Variants in SYNE2 observed in about 807,000 individuals in gnomAD.
The protein encoded by SYNE2 is nesprin-2.
In SYNE2, 431 loss-of-function variants were observed where a neutral mutation model predicts 856.3. That is an observed-to-expected ratio of 0.50 (90% CI 0.47 to 0.55). SYNE2 has a LOEUF of 0.55. SYNE2 is among the 20% of genes least tolerant of loss of function. SYNE2 has a pLI of 0.00. For missense variants in SYNE2, 8,129 were observed against 8,023.2 expected, an observed-to-expected ratio of 1.01 and a Z score of -0.50; for synonymous variants, 2,923 against 2,872.3, an observed-to-expected ratio of 1.02 and a Z score of -0.56.
chr14:63,896,636 A>G (rs1285902035), intron 1 of SYNE2, among the ~76,000 whole-genome samples: 1 of 152,212 alleles, frequency 6.6e-6, no homozygotes, highest in Non-Finnish European at 1.5e-5. Flanking sequence ...ACCTTGGAGA[A>G]GCTGATGATT....
chr14:64,126,944 T>C lies in SYNE2; in HGVS notation c.13917+137T>C. On this transcript the variant is annotated intron_variant, in intron 73 of 115. Coordinates refer to ENST00000555002, the MANE Select transcript of SYNE2 (RefSeq NM_182914.3). Reference sequence around the variant, plus strand: ...ATGATGAGACTCTTCTGTTTGTTGCTCATGGTTGGAGATCATTTGAAAGTG... The same window carrying C: ...ATGATGAGACTCTTCTGTTTGTTGCCCATGGTTGGAGATCATTTGAAAGTG... 4.8e-6 allele frequency: 5 copies of C among 1,048,836 alleles called. No individual in the cohort carries two copies. In the South Asian group the frequency reaches 6.8e-5, roughly 14 times the overall value. 65.0% of individuals were successfully genotyped at this position (1,048,836 alleles called of 1,614,324 possible). A position where few individuals can be genotyped will look rare whatever the true frequency, so the allele number is the denominator to read the frequency against.
intron 45 of SYNE2, among the ~76,000 whole-genome samples, chr14:64,032,259 C>A (rs1241010539): frequency 6.6e-6 from 1 of 152,106 alleles, no homozygotes; most frequent in Non-Finnish European, 1.5e-5. Context: ...TAAACAAATC[C>A]CACAGTGTTA....
At position 63,909,126 on chromosome 14, in the gene SYNE2, T is replaced by C. The variant is rs760248171; in HGVS notation, c.-23T>C. ...ACTTCTTCAACTGAGATGGACATGA[T>C]ATAATCTCCATTGAGTCAAAGAATG... On this transcript the variant is annotated 5_prime_UTR_variant, in exon 2 of 116. Coordinates refer to ENST00000555002, the MANE Select transcript of SYNE2 (RefSeq NM_182914.3). 10 of 1,529,730 alleles carry C rather than the reference T, an allele frequency of 6.5e-6. No homozygotes were observed. The highest frequency in any genetic ancestry group is 7.3e-6 in the Non-Finnish European group (8 of 1,103,402). The allele number at this position is 1,529,730 out of a possible 1,614,324, so 94.8% of individuals were successfully genotyped here.
At chr14:63,999,116 C>G (rs2096734896) in intron 27 of SYNE2, 76 bp downstream of exon 27, 1 of 1,441,666 alleles carries the variant, frequency 6.9e-7, no homozygotes, top group African/African-American at 1.4e-5. Flanking sequence ...TGGACATCCC[C>G]TTTTCTGTTG....
chr14:63,944,180 A>G (rs1248826510), intron 6 of SYNE2, among the ~76,000 whole-genome samples: 1 of 150,918 alleles, frequency 6.6e-6, no homozygotes, highest in African/African-American at 2.4e-5. Flanking sequence ...ATTTACATCA[A>G]TAATTAATGT....
At chr14:63,775,458 T>C (rs1887074908) in intron 1 of SYNE2, among the ~76,000 whole-genome samples, 1 of 151,940 alleles carries the variant, frequency 6.6e-6, no homozygotes, top group African/African-American at 2.4e-5. Context: ...GTATTTTTAG[T>C]AGAGACTGGG....
At chr14:63,870,987 TTTTAAA>T (rs150467625) in intron 1 of SYNE2, among the ~76,000 whole-genome samples, 6,247 of 152,160 alleles carry the variant, frequency 0.041, 410 homozygotes, top group African/African-American at 0.14. Context: ...CATTTTACTT[TTTTAAA>T]TTTAAATTTA....
rs34248042 is a variant in SYNE2 at position 64,132,354 on chromosome 14, A to G, written c.14430A>G (p.Thr4810=). The G allele has an allele frequency of 9.5e-4, 1,536 of 1,614,216 alleles. 15 individuals are homozygous for G. The African/African-American group carries it at 0.019, about 20-fold the overall frequency. The change falls in exon 77 of 116, where the codon ACA becomes ACG. Residue 4810 remains threonine, a synonymous_variant. Coordinates refer to ENST00000555002, the MANE Select transcript of SYNE2 (RefSeq NM_182914.3). ...CTTCTTTATTGCAAAACAGAGAGAC[A>G]TTTTGGGCAGAACAAGTAACAGAAG... ...ILPSLLQNRE[T]FWAEQVTEVK...
intron 85 of SYNE2, among the ~76,000 whole-genome samples, chr14:64,155,982 C>T (rs1460322386): frequency 1.3e-5 from 2 of 152,146 alleles, no homozygotes; most frequent in African/African-American, 4.8e-5. Context: ...CTCTCTAAGC[C>T]TCGATTTTCT....
At chr14:63,915,815 A>G (rs1207705633) in intron 2 of SYNE2, among the ~76,000 whole-genome samples, 2 of 152,190 alleles carry the variant, frequency 1.3e-5, no homozygotes, top group African/African-American at 2.4e-5. Flanking sequence ...TTATTACTCC[A>G]TTTAAATTTA....
intron 1 of SYNE2, among the ~76,000 whole-genome samples, chr14:63,784,955 G>GC (rs1396070219): frequency 6.6e-6 from 1 of 151,380 alleles, no homozygotes; most frequent in Non-Finnish European, 1.5e-5. Context: ...TATTTTTTTG[G>GC]GGGGGTGAGG....
chr14:64,142,244 A>T (rs2098144161), intron 82 of SYNE2, among the ~76,000 whole-genome samples, 156 bp downstream of exon 82: 1 of 152,168 alleles, frequency 6.6e-6, no homozygotes, highest in Non-Finnish European at 1.5e-5. Context: ...AGATGTTAGT[A>T]GACTTGCTTT....
intron 2 of SYNE2, among the ~76,000 whole-genome samples, chr14:63,919,556 C>T (rs920612746): frequency 2.6e-5 from 4 of 151,908 alleles, no homozygotes; most frequent in Admixed American, 6.6e-5. Flanking sequence ...ACCTTTGGAG[C>T]GTGTAGCAAG....
At chr14:64,049,533 CAA>C in intron 46 of SYNE2, 76 bp from the exon 47 acceptor site, 2 of 1,496,546 alleles carry the variant, frequency 1.3e-6, no homozygotes, top group African/African-American at 1.4e-5. Flanking sequence ...TGTGTTATCT[CAA>C]AGAGGAAAGA....
In SYNE2 at chr14:64,170,482, A is replaced by G. The variant is rs1351168911; in HGVS notation, c.17235+20A>G. 1 of 1,591,290 alleles carries G rather than the reference A, an allele frequency of 6.3e-7. No individual in the cohort carries two copies. Among genetic ancestry groups the G allele is most frequent in the Non-Finnish European group, 8.6e-7 (1 of 1,166,752 alleles). ...CTGAAGGTAGTGTATGCATCGTAGCAGTGTGAGAACCACAGGGTGGTCATT... is the reference window on the plus strand; with the variant it reads ...CTGAAGGTAGTGTATGCATCGTAGCGGTGTGAGAACCACAGGGTGGTCATT... On this transcript the variant is annotated intron_variant, in intron 94 of 115. Coordinates refer to ENST00000555002, the MANE Select transcript of SYNE2 (RefSeq NM_182914.3).
intron 51 of SYNE2, among the ~76,000 whole-genome samples, chr14:64,068,495 G>A (rs1033018788): frequency 2.6e-5 from 4 of 152,000 alleles, no homozygotes; most frequent in Non-Finnish European, 4.4e-5. Flanking sequence ...ATTGCTTTGG[G>A]TGGGTGAATT....
chr14:64,059,862 G>A (rs1041586657), intron 49 of SYNE2, among the ~76,000 whole-genome samples: 2 of 152,228 alleles, frequency 1.3e-5, no homozygotes, highest in African/African-American at 4.8e-5. Context: ...GTGTGCTACT[G>A]TGGCTGAGCT....
intron 45 of SYNE2, among the ~76,000 whole-genome samples, chr14:64,045,594 A>G (rs911094258): frequency 1.3e-5 from 2 of 152,130 alleles, no homozygotes; most frequent in African/African-American, 4.8e-5. Flanking sequence ...GCCTTCCTGG[A>G]TCTTTCCCCT....
chr14:64,218,414 C>T lies in SYNE2; in HGVS notation c.19559C>T (p.Pro6520Leu), dbSNP rs1372094522. 4 of 1,613,886 alleles carry T rather than the reference C, an allele frequency of 2.5e-6. No individual in the cohort carries two copies. In the East Asian group the frequency reaches 8.9e-5, roughly 36 times the overall value. Residue 6520 changes from proline to leucine, a missense_variant, in exon 109 of 116, where the codon CCT (proline) becomes CTT (leucine). Pro to Leu is a moderately conservative substitution (Grantham distance 98). Coordinates refer to ENST00000555002, the MANE Select transcript of SYNE2 (RefSeq NM_182914.3). ...TCATTCTAGGGAAAGCTACTATTACCTCCAGGCACGGATGGTGGCAAAGAA... is the reference window on the plus strand; with the variant it reads ...TCATTCTAGGGAAAGCTACTATTACTTCCAGGCACGGATGGTGGCAAAGAA... ...YKPPYGKLLL[P>L]PGTDGGKEGP...
Sources: allele counts gnomAD v4.1 joint callset (sites outside exome capture counted in the v4.1 genomes callset), GRCh38; gene constraint gnomAD v4.1.1; transcripts MANE v1.5; gene names NCBI Gene and HGNC (gene_info 2026-07-23, HGNC 2026-07-21).